Variants in ARHGAP42 observed in about 807,000 individuals in gnomAD.
ARHGAP42 encodes the protein Rho GTPase activating protein 42, also known as rho GTPase-activating protein 42.
ARHGAP42 carries 63 observed loss-of-function variants against 125.0 expected under a neutral mutation model. The ratio of observed to expected loss-of-function variants is 0.50; its 90% confidence interval spans 0.41 to 0.62. The LOEUF (loss-of-function observed/expected upper bound fraction) is 0.62, where lower values mean the gene tolerates loss of function less well. Ranked by LOEUF, ARHGAP42 falls within the 20% of genes least tolerant of loss-of-function variation. The pLI is 0.00. For synonymous variants in ARHGAP42, 339 were observed against 351.0 expected, an observed-to-expected ratio of 0.97 and a Z score of 0.38; for missense variants, 766 against 1,024.2, an observed-to-expected ratio of 0.75 and a Z score of 3.44.
chr11:100,804,186 C>T (rs1354916791), intron 3 of ARHGAP42, among the ~76,000 whole-genome samples: 1 of 152,076 alleles, frequency 6.6e-6, no homozygotes, highest in Admixed American at 6.6e-5. Flanking sequence ...TTGTGGGTCT[C>T]ACCATATTGC....
Position 100,957,791 on chromosome 11 carries a change from A to G in ARHGAP42, c.1163-2092A>G, listed in dbSNP as rs141983707. Among the ~76,000 whole-genome samples the G allele has an allele frequency of 1.1e-3, 162 of 152,178 alleles. 3 individuals carry two copies. Among genetic ancestry groups the G allele is most frequent in the East Asian group, 7.0e-3 (36 of 5,170 alleles). On this transcript the variant is annotated intron_variant, in intron 12 of 23. Coordinates refer to ENST00000298815, the MANE Select transcript of ARHGAP42 (RefSeq NM_152432.4). ...TGTCATTCTACATGATGAGCTTGTG[A>G]TATCAGTTTATTAGAAAAGACTGGA...
intron 22 of ARHGAP42, among the ~76,000 whole-genome samples, chr11:100,979,647 G>C (rs1254346919): frequency 1.3e-5 from 2 of 151,482 alleles, no homozygotes; most frequent in African/African-American, 4.8e-5. Context: ...TCTACAGTGG[G>C]CTTCGGTTTT....
At chr11:100,808,380 A>C (rs1852285589) in intron 3 of ARHGAP42, among the ~76,000 whole-genome samples, 1 of 151,614 alleles carries the variant, frequency 6.6e-6, no homozygotes, top group Non-Finnish European at 1.5e-5. Flanking sequence ...TTTTTGGGAT[A>C]ATTATAAATT....
At chr11:100,952,734 C>CTTTCTTTTTTT (rs1555031286) in intron 12 of ARHGAP42, among the ~76,000 whole-genome samples, 3 of 117,526 alleles carry the variant, frequency 2.6e-5, no homozygotes, top group Non-Finnish European at 5.1e-5. Context: ...CTAAGTCAGG[C>CTTTCTTTTTTT]TTTTTTTTTT....
At chr11:100,894,875 C>T (rs1025780311) in intron 4 of ARHGAP42, among the ~76,000 whole-genome samples, 2 of 152,136 alleles carry the variant, frequency 1.3e-5, no homozygotes, top group Non-Finnish European at 2.9e-5. Context: ...GTTGATATTC[C>T]TACCGGTCGA....
intron 1 of ARHGAP42, among the ~76,000 whole-genome samples, chr11:100,719,798 A>T (rs1262963547): frequency 8.5e-5 from 13 of 152,176 alleles, no homozygotes. Flanking sequence ...TTTTACATGG[A>T]AGAAAAATGA....
chr11:100,935,677 C>CAGAGAGAG (rs71053162), intron 7 of ARHGAP42, among the ~76,000 whole-genome samples: 3 of 146,604 alleles, frequency 2.0e-5, no homozygotes, highest in East Asian at 2.0e-4. Flanking sequence ...CACACACACA[C>CAGAGAGAG]AGAGAGAGAG....
chr11:100,696,389 T>C (rs1376083394), intron 1 of ARHGAP42, among the ~76,000 whole-genome samples: 1 of 152,188 alleles, frequency 6.6e-6, no homozygotes, highest in African/African-American at 2.4e-5. Flanking sequence ...CTTTCACTCT[T>C]GCTGCCCAGG....
chr11:100,736,207 A>G (rs1424120967), intron 1 of ARHGAP42, among the ~76,000 whole-genome samples: 1 of 152,212 alleles, frequency 6.6e-6, no homozygotes, highest in African/African-American at 2.4e-5. Context: ...GGGCTTGAGC[A>G]ACAAGGAATA....
intron 3 of ARHGAP42, among the ~76,000 whole-genome samples, chr11:100,847,035 G>T (rs1865085500): frequency 6.6e-6 from 1 of 152,136 alleles, no homozygotes; most frequent in South Asian, 2.1e-4. Context: ...CTTACATACG[G>T]AGTGGTCCAG....
At chr11:100,943,182 T>C (rs79148690) in intron 9 of ARHGAP42, among the ~76,000 whole-genome samples, 7,520 of 151,844 alleles carry the variant, frequency 0.05, 325 homozygotes, top group East Asian at 0.25. Context: ...TTACTTTTAA[T>C]GGGAAAACCA....
intron 3 of ARHGAP42, among the ~76,000 whole-genome samples, chr11:100,835,111 T>G (rs1354236382): frequency 1.3e-5 from 2 of 152,170 alleles, no homozygotes; most frequent in African/African-American, 4.8e-5. Flanking sequence ...ATCTACATAT[T>G]TTATACTGTT....
intron 4 of ARHGAP42, among the ~76,000 whole-genome samples, chr11:100,881,211 A>G (rs117588742): frequency 0.011 from 1,674 of 152,300 alleles, 7 homozygotes; most frequent in Middle Eastern, 0.041. Context: ...GAATTTTTAT[A>G]GATTCAGGTC....
At chr11:100,879,218 T>A (rs1008329882) in intron 4 of ARHGAP42, among the ~76,000 whole-genome samples, 6 of 152,244 alleles carry the variant, frequency 3.9e-5, no homozygotes, top group African/African-American at 1.4e-4. Context: ...AATACAAGTT[T>A]TAGAAGCACT....
chr11:100,733,591 A>G (rs2120314298), intron 1 of ARHGAP42, among the ~76,000 whole-genome samples: 1 of 152,202 alleles, frequency 6.6e-6, no homozygotes, highest in South Asian at 2.1e-4. Context: ...TGGGCGGCCG[A>G]GGCGGGCAGA....
intron 22 of ARHGAP42, among the ~76,000 whole-genome samples, chr11:100,981,553 T>C (rs1405585995): frequency 6.6e-6 from 1 of 152,164 alleles, no homozygotes; most frequent in East Asian, 1.9e-4. Context: ...TTGGGAGATT[T>C]TAGTGGATGG....
At chr11:100,932,914 G>T (rs534822134) in intron 6 of ARHGAP42, among the ~76,000 whole-genome samples, 1 of 152,248 alleles carries the variant, frequency 6.6e-6, no homozygotes, top group East Asian at 1.9e-4. Flanking sequence ...TAGCAGAATA[G>T]TTAACATGAC....
chr11:100,887,542 A>C (rs941567995), intron 4 of ARHGAP42, among the ~76,000 whole-genome samples: 2 of 152,212 alleles, frequency 1.3e-5, no homozygotes, highest in Non-Finnish European at 2.9e-5. Flanking sequence ...TCCTTGAAGT[A>C]CTTACATGGT....
intron 12 of ARHGAP42, among the ~76,000 whole-genome samples, chr11:100,954,735 C>G (rs1857760162): frequency 6.6e-6 from 1 of 152,074 alleles, no homozygotes; most frequent in Admixed American, 6.6e-5. Context: ...AGCTCAAGTG[C>G]TCTTCATGGG....
Sources: allele counts gnomAD v4.1 joint callset (sites outside exome capture counted in the v4.1 genomes callset), GRCh38; gene constraint gnomAD v4.1.1; transcripts MANE v1.5; gene names NCBI Gene and HGNC (gene_info 2026-07-23, HGNC 2026-07-21).